Variants in IARS1 observed in about 807,000 individuals in gnomAD.
IARS1 encodes the protein isoleucyl-tRNA synthetase 1.
IARS1 carries 124 observed loss-of-function variants against 168.2 expected under a neutral mutation model. That is an observed-to-expected ratio of 0.74 (90% CI 0.64 to 0.86). The LOEUF (loss-of-function observed/expected upper bound fraction) is 0.86, where lower values mean the gene tolerates loss of function less well. IARS1 is among the 40% of genes least tolerant of loss of function. The pLI, the probability that IARS1 is intolerant of heterozygous loss-of-function variation, is 0.00. For missense variants in IARS1, 1,452 were observed against 1,515.8 expected (o/e 0.96, Z 0.70); for synonymous variants, 532 against 529.4 (o/e 1.00, Z -0.07).
chr9:92,245,842 C>T (rs559940358), intron 26 of IARS1, among the ~76,000 whole-genome samples: 2 of 151,632 alleles, frequency 1.3e-5, no homozygotes, highest in South Asian at 4.2e-4. Context: ...TCTCGGCTCA[C>T]TGCAAGCTCT....
chr9:92,276,527 A>G (rs1157361331), intron 9 of IARS1, among the ~76,000 whole-genome samples: 3 of 152,232 alleles, frequency 2.0e-5, no homozygotes, highest in Non-Finnish European at 2.9e-5. Context: ...GCTATCAAGT[A>G]GGCAACGAGA....
intron 7 of IARS1, among the ~76,000 whole-genome samples, chr9:92,279,363 G>A (rs1834196352): frequency 6.6e-6 from 1 of 152,138 alleles, no homozygotes; most frequent in South Asian, 2.1e-4. Flanking sequence ...GGTGGCTGCT[G>A]AGATTGTCAA....
At chr9:92,287,965 T>G in intron 3 of IARS1, 55 bp from the exon 4 acceptor site, 1 of 1,597,806 alleles carries the variant, frequency 6.3e-7, no homozygotes. Flanking sequence ...CAACTGCAAC[T>G]ATGCAACTCT....
chr9:92,240,560 C>CT (rs772795634), intron 30 of IARS1: 11,950 of 576,476 alleles, frequency 0.021, no homozygotes, highest in South Asian at 0.029. Context: ...ATGCCTGGCC[C>CT]TTTTTTTTTT....
intron 33 of IARS1, among the ~76,000 whole-genome samples, chr9:92,217,533 T>G (rs1223088170): frequency 9.6e-5 from 14 of 145,966 alleles, no homozygotes; most frequent in Middle Eastern, 3.5e-3. Context: ...CTAGCAAGAC[T>G]AATAAAGAAA....
chr9:92,269,968 T>C lies in IARS1; in HGVS notation c.1221A>G (p.Leu407=), dbSNP rs1486976520. The change falls in exon 13 of 34, where the codon CTA becomes CTG. Residue 407 remains leucine, a synonymous_variant. Coordinates refer to ENST00000443024, the MANE Select transcript of IARS1 (RefSeq NM_002161.6). ...YPFCWRSDTP[L]IYKAVPSWFV... is the part of the protein sequence containing the mutation. ...ACCAGCTGGGCACTGCTTTGTAAAT[T>C]AGAGGAGTGTCTGATCTGGGGAAGC... 2 of 1,612,662 alleles carry C rather than the reference T, an allele frequency of 1.2e-6. No homozygotes were observed. Among genetic ancestry groups the C allele is most frequent in the Non-Finnish European group, 1.7e-6 (2 of 1,178,766 alleles).
At chr9:92,264,197 T>A (rs1272968614) in intron 16 of IARS1, among the ~76,000 whole-genome samples, 2 of 151,886 alleles carry the variant, frequency 1.3e-5, no homozygotes, top group Non-Finnish European at 2.9e-5. Flanking sequence ...TAGCTGGGCA[T>A]GGTGGTGCAT....
rs748484466 is a variant in IARS1, at chr9:92,247,537, T to C, written c.2631A>G (p.Arg877=). Residue 877 remains arginine, a synonymous_variant, in exon 26 of 34, where the codon CGA becomes CGG. Transcript: ENST00000443024. ...TTTTATCTGTAGACAGTGTAACTTT[T>C]CGAACATTGAGTTCCTACAGTTAAT... ...EKYIIEELNV[R]KVTLSTDKNK... is the part of the protein sequence containing the mutation. 12 of 1,613,442 alleles carry C rather than the reference T, an allele frequency of 7.4e-6. No individual in the cohort carries two copies. The highest frequency in any genetic ancestry group is 1.7e-5 in the Admixed American group (1 of 59,856).
intron 25 of IARS1, among the ~76,000 whole-genome samples, chr9:92,249,594 A>T (rs931944341): frequency 6.6e-6 from 1 of 152,168 alleles, no homozygotes; most frequent in Non-Finnish European, 1.5e-5. Context: ...AGGAAAGGAC[A>T]GGACAGAAAA....
At chr9:92,268,434 G>C in intron 13 of IARS1, 134 bp from the exon 14 acceptor site, 1 of 828,094 alleles carries the variant, frequency 1.2e-6, no homozygotes, top group South Asian at 1.6e-5. Context: ...ACTGCAAAGA[G>C]AATGTCTTCT....
intron 2 of IARS1, among the ~76,000 whole-genome samples, 159 bp from the exon 3 acceptor site, chr9:92,288,441 G>C (rs1379915421): frequency 6.6e-6 from 1 of 152,162 alleles, no homozygotes. Context: ...TGGTGGTCCT[G>C]CCTTCAGAAA....
At chr9:92,251,700 T>A (rs1830028488) in intron 22 of IARS1, 108 bp downstream of exon 22, 1 of 748,154 alleles carries the variant, frequency 1.3e-6, no homozygotes, top group Admixed American at 2.4e-5. Context: ...CTATATCTAT[T>A]TTTGGCAGAA....
At chr9:92,282,860 A>ATATATATATATT (rs1230782830) in intron 6 of IARS1, among the ~76,000 whole-genome samples, 1 of 132,856 alleles carries the variant, frequency 7.5e-6, no homozygotes, top group African/African-American at 2.9e-5. Context: ...ATATATATAT[A>ATATATATATATT]TTTTTTTTTT....
At chr9:92,227,290 C>G (rs1825858811) in intron 31 of IARS1, among the ~76,000 whole-genome samples, 1 of 151,378 alleles carries the variant, frequency 6.6e-6, no homozygotes, top group Admixed American at 6.6e-5. Flanking sequence ...CCGCCATTGT[C>G]ATCATGGCCC....
chr9:92,274,177 C>T (rs940178172), intron 10 of IARS1, among the ~76,000 whole-genome samples: 10 of 152,176 alleles, frequency 6.6e-5, no homozygotes, highest in African/African-American at 2.4e-4. Flanking sequence ...ACCTGCACGT[C>T]TCTAGATGCC....
In IARS1 at chr9:92,253,389, A is replaced by G. The variant is rs1486035598; in HGVS notation, c.2202T>C (p.Tyr734=). ...TTAATCTTCTGCGGTTCATTCTAACATACCAATTGGTCAGAATATCTACAA... is the reference window on the plus strand; with the variant it reads ...TTAATCTTCTGCGGTTCATTCTAACGTACCAATTGGTCAGAATATCTACAA... The part of the protein sequence containing the change: ...VKFVDILTNW[Y]VRMNRRRLKG... The change falls in exon 21 of 34, where the codon TAT becomes TAC. Residue 734 remains tyrosine, a synonymous_variant. Coordinates refer to ENST00000443024, the MANE Select transcript of IARS1 (RefSeq NM_002161.6). 6.2e-7 allele frequency: 1 copy of G among 1,613,402 alleles called. No homozygotes were observed. The highest frequency in any genetic ancestry group is 1.3e-5 in the African/African-American group (1 of 75,038).
intron 7 of IARS1, among the ~76,000 whole-genome samples, chr9:92,279,838 C>T (rs1485290125): frequency 6.6e-6 from 1 of 152,158 alleles, no homozygotes; most frequent in Non-Finnish European, 1.5e-5. Flanking sequence ...TTCTACTAGT[C>T]TTTGCTCTCT....
chr9:92,223,213 C>T (rs879413348), intron 32 of IARS1, 133 bp downstream of exon 32: 69 of 692,328 alleles, frequency 1.0e-4, no homozygotes, highest in Non-Finnish European at 1.4e-4. Context: ...GTGGTTGCTC[C>T]CCAAAGTTGC....
At chr9:92,240,419 A>T in intron 30 of IARS1, 1 of 455,876 alleles carries the variant, frequency 2.2e-6, no homozygotes, top group South Asian at 3.6e-5. Context: ...ACCTGCCACC[A>T]TGCCTGGCTA....
Sources: gnomAD v4.1 joint callset for allele counts (sites outside exome capture counted in the v4.1 genomes callset) on GRCh38, gnomAD v4.1.1 for gene constraint, MANE v1.5 for transcripts, NCBI Gene and HGNC (gene_info 2026-07-23, HGNC 2026-07-21) for gene names.